Variants in CSMD1 observed in about 807,000 individuals in gnomAD.
CSMD1 encodes the protein CUB and sushi domain-containing protein 1.
Under a neutral mutation model 417.5 loss-of-function variants are expected in CSMD1, and 213 were observed. The observed-to-expected ratio is 0.51, with a 90% CI of 0.46 to 0.57. The LOEUF (loss-of-function observed/expected upper bound fraction) is 0.57. CSMD1 is among the 20% of genes least tolerant of loss of function. The pLI, the probability that CSMD1 is intolerant of heterozygous loss-of-function variation, is 0.00. For missense variants in CSMD1, 6,923 were observed against 4,529.7 expected (o/e 1.53, Z -15.17); for synonymous variants, 2,862 against 1,736.8 (o/e 1.65, Z -16.11).
At chr8:4,840,625 C>A (rs1281492260) in intron 1 of CSMD1, among the ~76,000 whole-genome samples, 1 of 152,058 alleles carries the variant, frequency 6.6e-6, no homozygotes, top group African/African-American at 2.4e-5. Flanking sequence ...ATTACATTAC[C>A]GAATGAGCAT....
chr8:3,142,276 C>T (rs1818551055), intron 41 of CSMD1, among the ~76,000 whole-genome samples, 189 bp downstream of exon 41: 1 of 152,114 alleles, frequency 6.6e-6, no homozygotes, highest in African/African-American at 2.4e-5. Context: ...CTGGTGGTTC[C>T]GTCTGTGTCC....
intron 1 of CSMD1, among the ~76,000 whole-genome samples, chr8:4,966,331 A>T (rs1296877536): frequency 2.0e-5 from 3 of 152,140 alleles, no homozygotes; most frequent in African/African-American, 7.2e-5. Context: ...GTGAGCCAAG[A>T]TCACACCATT....
intron 3 of CSMD1, among the ~76,000 whole-genome samples, chr8:4,330,020 G>C (rs527724879): frequency 3.9e-5 from 6 of 152,134 alleles, no homozygotes; most frequent in Admixed American, 1.3e-4. Context: ...ACAGCATGCA[G>C]AACTGTGAGC....
At chr8:4,375,768 C>T (rs1272868500) in intron 3 of CSMD1, among the ~76,000 whole-genome samples, 1 of 152,148 alleles carries the variant, frequency 6.6e-6, no homozygotes, top group African/African-American at 2.4e-5. Flanking sequence ...TGTCTTTGTA[C>T]AGTGATTTCC....
chr8:3,064,931 G>A (rs569098123), intron 49 of CSMD1, among the ~76,000 whole-genome samples: 2 of 152,220 alleles, frequency 1.3e-5, no homozygotes, highest in East Asian at 3.9e-4. Flanking sequence ...CAATGTGGAA[G>A]GGAGAAAATT....
At chr8:4,787,913 A>C in intron 1 of CSMD1, 3 of 1,590,624 alleles carry the variant, frequency 1.9e-6, no homozygotes, top group East Asian at 2.2e-5. Context: ...GTAACCACAA[A>C]GAAATTGTTC....
chr8:4,113,778 G>C (rs368108993), intron 3 of CSMD1, among the ~76,000 whole-genome samples: 3 of 152,168 alleles, frequency 2.0e-5, no homozygotes, highest in Non-Finnish European at 4.4e-5. Flanking sequence ...AAGTTTTCAA[G>C]TTATCTGCAT....
chr8:4,977,749 AG>A (rs1173438512), intron 1 of CSMD1, among the ~76,000 whole-genome samples: 22 of 152,328 alleles, frequency 1.4e-4, no homozygotes, highest in African/African-American at 5.0e-4. Context: ...GGTTGCAGGC[AG>A]GTTCACCTGC....
At chr8:3,170,005 G>A (rs764738346) in intron 37 of CSMD1, among the ~76,000 whole-genome samples, 9 of 152,132 alleles carry the variant, frequency 5.9e-5, no homozygotes, top group Non-Finnish European at 8.8e-5. Flanking sequence ...TCTAAATTGT[G>A]CGGCCTGACC....
At position 4,370,521 on chromosome 8, in the gene CSMD1, G is replaced by A. The variant is rs189333850; in HGVS notation, c.415+49432C>T. ...CTGGAAGGATTTCCATGGACTATAT[G>A]TTCAAATGTGTTTCTCAAGTTTCTT... On this transcript the variant is annotated intron_variant, in intron 3 of 69. Coordinates refer to ENST00000635120, the MANE Select transcript of CSMD1 (RefSeq NM_033225.6). 2.0e-3 allele frequency among the ~76,000 whole-genome samples: 308 copies of A among 152,310 alleles called. 2 individuals are homozygous for A. Among genetic ancestry groups the A allele is most frequent in the African/African-American group, 7.0e-3 (293 of 41,572 alleles).
At position 4,242,508 on chromosome 8, in the gene CSMD1, TTAAG is replaced by T. The variant is rs1477950336; in HGVS notation, c.415+177441_415+177444del. The stretch of plus-strand genomic sequence containing the variant: ...TTCCTGAGAGCAATTTTCATATTTA[TTAAG>T]TATCTTAAAAATGTTCTTAACTAGT... On this transcript the variant is annotated intron_variant, in intron 3 of 69. Transcript: ENST00000635120. 7.9e-5 allele frequency among the ~76,000 whole-genome samples: 12 copies of T among 152,358 alleles called. No individual in the cohort carries two copies. The East Asian group carries it at 1.2e-3, about 15-fold the overall frequency.
intron 3 of CSMD1, among the ~76,000 whole-genome samples, chr8:4,264,601 G>C (rs894423692): frequency 1.3e-5 from 2 of 152,062 alleles, no homozygotes; most frequent in East Asian, 1.9e-4. Flanking sequence ...GGCGTTCTAG[G>C]GTAGATAGCA....
rs1554482471 is a variant in CSMD1, at chr8:4,791,086, G to GAGAGATGGTGAGA, written c.86-153529_86-153528insTCTCACCATCTCT. On this transcript the variant is annotated intron_variant, in intron 1 of 69. Transcript: ENST00000635120. Reference sequence around the variant, plus strand: ...AGAGAGACGGTGAGAGAGACGGTGAGAGAGACGGTGAGAAGAGACGGGGAG... The same window carrying GAGAGATGGTGAGA: ...AGAGAGACGGTGAGAGAGACGGTGAGAGAGATGGTGAGAAGAGACGGTGAGAAGAGACGGGGAG... Among the ~76,000 whole-genome samples, 667 of 131,470 alleles carry GAGAGATGGTGAGA rather than the reference G, an allele frequency of 5.1e-3. 4 individuals carry two copies. Among genetic ancestry groups the GAGAGATGGTGAGA allele is most frequent in the Non-Finnish European group, 7.6e-3 (426 of 56,298 alleles). 86.2% of individuals were successfully genotyped at this position (131,470 alleles called of 152,430 possible). A position where few individuals can be genotyped will look rare whatever the true frequency, so the allele number is the denominator to read the frequency against.
chr8:4,074,773 A>C (rs1585257257), intron 3 of CSMD1, among the ~76,000 whole-genome samples: 1 of 152,242 alleles, frequency 6.6e-6, no homozygotes, highest in East Asian at 1.9e-4. Context: ...TTGCTTGCAA[A>C]GTAGTTCTCT....
chr8:4,896,560 C>T (rs1585283139), intron 1 of CSMD1, among the ~76,000 whole-genome samples: 1 of 152,102 alleles, frequency 6.6e-6, no homozygotes, highest in Admixed American at 6.5e-5. Context: ...CTTCACCTAA[C>T]CTTACACATA....
intron 5 of CSMD1, among the ~76,000 whole-genome samples, chr8:3,966,237 G>T (rs558686632): frequency 6.6e-6 from 1 of 152,026 alleles, no homozygotes; most frequent in Non-Finnish European, 1.5e-5. Flanking sequence ...AATGATTTCC[G>T]CCCATATTTA....
intron 12 of CSMD1, among the ~76,000 whole-genome samples, chr8:3,430,018 T>A (rs1026094739): frequency 2.0e-5 from 3 of 152,176 alleles, no homozygotes; most frequent in African/African-American, 7.2e-5. Flanking sequence ...ACAAATTTAA[T>A]TATAAAAGAG....
At chr8:3,401,898 C>G (rs1812060924) in intron 15 of CSMD1, among the ~76,000 whole-genome samples, 1 of 149,488 alleles carries the variant, frequency 6.7e-6, no homozygotes, top group East Asian at 2.0e-4. Context: ...TAGCTGATAA[C>G]AAAAAAAGCA....
chr8:3,900,348 T>C (rs554374757), intron 5 of CSMD1, among the ~76,000 whole-genome samples: 3 of 148,532 alleles, frequency 2.0e-5, no homozygotes, highest in African/African-American at 7.5e-5. Flanking sequence ...GGTGACAGTG[T>C]AGCTGGTTGA....
Sources: gnomAD v4.1 joint callset for allele counts (sites outside exome capture counted in the v4.1 genomes callset) on GRCh38, gnomAD v4.1.1 for gene constraint, MANE v1.5 for transcripts, NCBI Gene and HGNC (gene_info 2026-07-23, HGNC 2026-07-21) for gene names.